Variants in ABTB2 observed in about 807,000 individuals in gnomAD.
The protein encoded by ABTB2 is ankyrin repeat and BTB domain containing 2, also known as ankyrin repeat and BTB/POZ domain-containing protein 2.
A neutral mutation model predicts 104.1 loss-of-function variants in ABTB2; 56 were observed. The ratio of observed to expected loss-of-function variants is 0.54; its 90% CI spans 0.43 to 0.67. ABTB2 has a LOEUF of 0.67. ABTB2 is among the 30% of genes least tolerant of loss of function. The probability of loss-of-function intolerance (pLI) is 0.00; values close to 1 mark genes in which losing one functional copy is unlikely to be tolerated. For missense variants in ABTB2, 1,279 were observed against 1,407.7 expected (o/e 0.91, Z 1.46); for synonymous variants, 606 against 608.2 (o/e 1.00, Z 0.05).
chr11:34,157,092 C>A (rs1852639178), intron 14 of ABTB2, among the ~76,000 whole-genome samples: 1 of 152,192 alleles, frequency 6.6e-6, no homozygotes, highest in Non-Finnish European at 1.5e-5. Flanking sequence ...TTAGGGGCTG[C>A]TGGAAAACTT....
At chr11:34,257,108 C>T (rs1854132803) in intron 1 of ABTB2, among the ~76,000 whole-genome samples, 1 of 152,194 alleles carries the variant, frequency 6.6e-6, no homozygotes, top group African/African-American at 2.4e-5. Flanking sequence ...TGAAATGACC[C>T]CAAGTGTTAG....
chr11:34,158,817 C>T (rs904674830), intron 14 of ABTB2, among the ~76,000 whole-genome samples: 13 of 152,220 alleles, frequency 8.5e-5, no homozygotes, highest in African/African-American at 2.4e-4. Flanking sequence ...CCAATGTGGC[C>T]GGGGTTTGAT....
At chr11:34,307,351 C>T (rs904328067) in intron 1 of ABTB2, among the ~76,000 whole-genome samples, 5 of 152,222 alleles carry the variant, frequency 3.3e-5, no homozygotes, top group Non-Finnish European at 5.9e-5. Flanking sequence ...ATTCTCTCAA[C>T]GAGATCACAT....
intron 1 of ABTB2, chr11:34,242,343 C>T (rs1853929312): frequency 1.3e-5 from 2 of 152,364 alleles, no homozygotes; most frequent in Admixed American, 1.3e-4. Context: ...ACGAGGACAC[C>T]CAGACTACTC....
chr11:34,291,847 G>A (rs1426210376), intron 1 of ABTB2, among the ~76,000 whole-genome samples: 1 of 151,498 alleles, frequency 6.6e-6, no homozygotes, highest in Non-Finnish European at 1.5e-5. Flanking sequence ...TATATGGGCT[G>A]CTTTTGGTTG....
chr11:34,276,183 C>T (rs1185205790), intron 1 of ABTB2, among the ~76,000 whole-genome samples: 2 of 150,284 alleles, frequency 1.3e-5, no homozygotes, highest in African/African-American at 4.9e-5. Flanking sequence ...AGAGCCATGT[C>T]ACAAATCCTG....
chr11:34,236,619 A>G (rs1376911845), intron 1 of ABTB2, among the ~76,000 whole-genome samples: 1 of 152,176 alleles, frequency 6.6e-6, no homozygotes, highest in Non-Finnish European at 1.5e-5. Context: ...TTACTCCGGG[A>G]GGCCTCAGGG....
At chr11:34,352,658 C>A (rs1328072834) in intron 1 of ABTB2, among the ~76,000 whole-genome samples, 1 of 152,148 alleles carries the variant, frequency 6.6e-6, no homozygotes. Flanking sequence ...ATTCTCATAC[C>A]ACCCATATAA....
At chr11:34,228,737 G>A (rs1009869099) in intron 1 of ABTB2, among the ~76,000 whole-genome samples, 3 of 152,056 alleles carry the variant, frequency 2.0e-5, no homozygotes, top group African/African-American at 4.8e-5. Flanking sequence ...ACCATTTTAC[G>A]TTCCTACCAG....
intron 1 of ABTB2, among the ~76,000 whole-genome samples, chr11:34,266,801 G>C (rs1395304714): frequency 1.3e-5 from 2 of 152,062 alleles, no homozygotes; most frequent in Non-Finnish European, 2.9e-5. Flanking sequence ...CTGTAGACAT[G>C]TGGTAGTCGT....
At chr11:34,175,017 G>A (rs558294344) in intron 3 of ABTB2, among the ~76,000 whole-genome samples, 24 of 152,242 alleles carry the variant, frequency 1.6e-4, no homozygotes, top group Non-Finnish European at 2.9e-4. Flanking sequence ...CCGCCTGTGC[G>A]GTCACTGTGG....
Position 34,357,262 on chromosome 11 carries a change from G to A in ABTB2, c.322C>T (p.Leu108Phe), listed in dbSNP as rs1182317275. The A allele has an allele frequency of 2.0e-6, 3 of 1,495,934 alleles. No homozygotes were observed. Among genetic ancestry groups the A allele is most frequent in the African/African-American group, 1.4e-5 (1 of 70,214 alleles). 92.7% of individuals were successfully genotyped at this position (1,495,934 alleles called of 1,614,324 possible). Reference protein sequence around the residue: ...PWTEGDVARVLRKGAGGRRLP... With the variant: ...PWTEGDVARVFRKGAGGRRLP... Reference sequence around the variant, plus strand: ...CGCCGGCCGCCAGCGCCTTTGCGGAGCACCCGGGCCACGTCTCCTTCGGTC... The same window carrying A: ...CGCCGGCCGCCAGCGCCTTTGCGGAACACCCGGGCCACGTCTCCTTCGGTC... Residue 108 changes from leucine to phenylalanine, a missense_variant, in exon 1 of 17, where the codon CTC becomes TTC. Transcript: ENST00000435224.
intron 1 of ABTB2, among the ~76,000 whole-genome samples, chr11:34,340,791 C>T (rs1225502870): frequency 1.3e-5 from 2 of 152,196 alleles, no homozygotes; most frequent in Non-Finnish European, 2.9e-5. Context: ...TAGGCAAACA[C>T]CTCTGAAAGA....
intron 1 of ABTB2, among the ~76,000 whole-genome samples, chr11:34,330,961 A>T (rs1855122833): frequency 6.6e-6 from 1 of 152,178 alleles, no homozygotes; most frequent in South Asian, 2.1e-4. Context: ...GCAGGATGCA[A>T]ATCTGCCTCT....
chr11:34,239,624 C>T (rs542422063), intron 1 of ABTB2, among the ~76,000 whole-genome samples: 5 of 152,306 alleles, frequency 3.3e-5, no homozygotes, highest in Admixed American at 2.0e-4. Context: ...AGCCACCACC[C>T]GGCCTGTCTC....
chr11:34,246,924 C>T (rs570412645), intron 1 of ABTB2, among the ~76,000 whole-genome samples: 4 of 150,538 alleles, frequency 2.7e-5, no homozygotes, highest in Admixed American at 6.6e-5. Context: ...CTCGGCTCAC[C>T]GCAACCTCTG....
chr11:34,260,844 C>T (rs113433754), intron 1 of ABTB2, among the ~76,000 whole-genome samples: 41 of 152,282 alleles, frequency 2.7e-4, no homozygotes, highest in Middle Eastern at 3.4e-3. Context: ...TACAGCCACA[C>T]GTCCTTGTCC....
At chr11:34,189,287 A>G (rs1224393248) in intron 3 of ABTB2, 3 of 152,196 alleles carry the variant, frequency 2.0e-5, no homozygotes, top group Non-Finnish European at 4.4e-5. Flanking sequence ...AAAAGAAAAG[A>G]GAAAAGAAAA....
At chr11:34,193,375 G>T (rs1301695104) in intron 3 of ABTB2, among the ~76,000 whole-genome samples, 2 of 152,242 alleles carry the variant, frequency 1.3e-5, no homozygotes, top group Non-Finnish European at 2.9e-5. Context: ...TAGTGAGGGG[G>T]TGGGGCTGGA....
Sources: gnomAD v4.1 joint callset for allele counts (sites outside exome capture counted in the v4.1 genomes callset) on GRCh38, gnomAD v4.1.1 for gene constraint, MANE v1.5 for transcripts, NCBI Gene and HGNC (gene_info 2026-07-23, HGNC 2026-07-21) for gene names.